The following PIP variants were observed in gnomAD, a reference collection of about 807,000 sequenced individuals.
PIP encodes the protein prolactin induced protein.
In PIP, 9 loss-of-function variants were observed where a neutral mutation model predicts 12.8. That is an observed-to-expected ratio of 0.70 (90% CI 0.42 to 1.23). The LOEUF (loss-of-function observed/expected upper bound fraction) is 1.23, where lower values mean the gene tolerates loss of function less well. PIP is among the 50% of genes most tolerant of loss of function. The pLI is 0.00. For synonymous variants in PIP, 60 were observed against 66.1 expected, an observed-to-expected ratio of 0.91 and a Z score of 0.45; for missense variants, 172 against 179.5, an observed-to-expected ratio of 0.96 and a Z score of 0.24.
chr7:143,134,007 T>A (rs1254147551), intron 1 of PIP, among the ~76,000 whole-genome samples: 1 of 151,064 alleles, frequency 6.6e-6, no homozygotes, highest in East Asian at 2.0e-4. Flanking sequence ...GTCCATTGTA[T>A]CATTCTTATG....
chr7:143,135,180 C>T lies in PIP; in HGVS notation c.96-14C>T, dbSNP rs749512563. 2.8e-6 allele frequency: 4 copies of T among 1,403,970 alleles called. No homozygotes were observed. The African/African-American group carries it at 5.6e-5, about 20-fold the overall frequency. The allele number at this position is 1,403,970 out of a possible 1,614,324, so 87.0% of individuals were successfully genotyped here. A position where few individuals can be genotyped will look rare whatever the true frequency, so the allele number is the denominator to read the frequency against. ...TCTGATCCTGGTGTTCTGATTCTCT[C>T]TTCCCACAATCAGTCGGAAGATCAT... On this transcript the variant is annotated splice_polypyrimidine_tract_variant and intron_variant, in intron 1 of 3. Transcript: ENST00000291009.
At position 143,132,567 on chromosome 7, in the gene PIP, C is replaced by A. The variant is rs536669749; in HGVS notation, c.95+356C>A. On this transcript the variant is annotated intron_variant, in intron 1 of 3. Transcript: ENST00000291009. ...TAAACTTTACCTTCTCACACCTTGCCTCCTAGAAGAGAAGCATAACAGGTC... is the reference window on the plus strand; with the variant it reads ...TAAACTTTACCTTCTCACACCTTGCATCCTAGAAGAGAAGCATAACAGGTC... Among the ~76,000 whole-genome samples, 125 of 152,226 alleles carry A rather than the reference C, an allele frequency of 8.2e-4. 1 individual carries two copies. In the South Asian group the frequency reaches 0.025, roughly 30 times the overall value.
At chr7:143,132,556 TC>T (rs1232889612) in intron 1 of PIP, among the ~76,000 whole-genome samples, 2 of 152,144 alleles carry the variant, frequency 1.3e-5, no homozygotes, top group African/African-American at 4.8e-5. Context: ...CTTTACCTTC[TC>T]ACACCTTGCC....
chr7:143,133,509 T>C (rs762752167), intron 1 of PIP, among the ~76,000 whole-genome samples: 12 of 152,102 alleles, frequency 7.9e-5, no homozygotes, highest in Non-Finnish European at 1.6e-4. Flanking sequence ...CAAAGGTCCG[T>C]AGCCGGGAGT....
At chr7:143,134,978 C>T (rs1799291085) in intron 1 of PIP, among the ~76,000 whole-genome samples, 1 of 152,144 alleles carries the variant, frequency 6.6e-6, no homozygotes, top group Non-Finnish European at 1.5e-5. Context: ...CTTAAAGTGT[C>T]CTAGTTGTTT....
At chr7:143,136,160 T>G (rs922322590) in intron 2 of PIP, among the ~76,000 whole-genome samples, 1 of 152,022 alleles carries the variant, frequency 6.6e-6, no homozygotes, top group African/African-American at 2.4e-5. Flanking sequence ...ACACTGGTTG[T>G]GTGTCCTTTT....
At position 143,139,122 on chromosome 7, in the gene PIP, C is replaced by T; in HGVS notation, c.249C>T (p.Asn83=). ...GCATCCCTCTACAAGGTGCATTTAA[C>T]TATAAGTATACTGCCTGCCTATGTG... ...ISSIPLQGAF[N]YKYTACLCDD... Residue 83 remains asparagine, a synonymous_variant, in exon 3 of 4, where the codon AAC becomes AAT. Transcript: ENST00000291009. The T allele has an allele frequency of 6.2e-7, 1 of 1,604,790 alleles. No homozygotes were observed.
In PIP at chr7:143,139,145, G is replaced by T; in HGVS notation, c.272G>T (p.Cys91Phe). 3.1e-6 allele frequency: 5 copies of T among 1,605,440 alleles called. No individual in the cohort carries two copies. Among genetic ancestry groups the T allele is most frequent in the South Asian group, 1.1e-5 (1 of 91,012 alleles). Residue 91 changes from cysteine to phenylalanine, a missense_variant, in exon 3 of 4, where the codon TGT becomes TTT. Cys to Phe is a radical substitution (Grantham distance 205). Coordinates refer to ENST00000291009, the MANE Select transcript of PIP (RefSeq NM_002652.3). ...AACTATAAGTATACTGCCTGCCTAT[G>T]TGACGACAATCCAAAAACCTTCTAC... ...AFNYKYTACL[C>F]DDNPKTFYWD...
chr7:143,138,703 T>C (rs536397308), intron 2 of PIP, among the ~76,000 whole-genome samples: 5 of 152,234 alleles, frequency 3.3e-5, no homozygotes, highest in Admixed American at 6.5e-5. Context: ...GGCTGCTGTC[T>C]CACCAGGTCT....
chr7:143,132,290 T>C, intron 1 of PIP, 79 bp downstream of exon 1: 1 of 1,494,310 alleles, frequency 6.7e-7, no homozygotes, highest in Non-Finnish European at 9.2e-7. Flanking sequence ...ACATATCTCT[T>C]TCTGAGAATT....
At chr7:143,133,001 T>C (rs1169814750) in intron 1 of PIP, among the ~76,000 whole-genome samples, 1 of 151,984 alleles carries the variant, frequency 6.6e-6, no homozygotes, top group African/African-American at 2.4e-5. Context: ...GAGGAAACTG[T>C]TCAGGGTTTT....
At position 143,139,157 on chromosome 7, in the gene PIP, CA is replaced by C. The variant is rs767135727; in HGVS notation, c.289del (p.Thr97ProfsTer24). On this transcript the variant is annotated frameshift_variant, in exon 3 of 4. Coordinates refer to ENST00000291009, the MANE Select transcript of PIP (RefSeq NM_002652.3). LOFTEE classifies it low-confidence loss of function (END_TRUNC). ...ACTGCCTGCCTATGTGACGACAATC[CA>C]AAAACCTTCTACTGGGACTTTTACA... ...KYTACLCDDNPKTFYWDFYTN... is the reference protein window; with the variant it reads ...KYTACLCDDNXKTFYWDFYTN... 8.8e-6 allele frequency: 14 copies of C among 1,597,800 alleles called. No individual in the cohort carries two copies. Among genetic ancestry groups the C allele is most frequent in the Non-Finnish European group, 1.1e-5 (13 of 1,164,914 alleles).
At chr7:143,139,340 T>C (rs1799344208) in intron 3 of PIP, 151 bp downstream of exon 3, 9 of 847,644 alleles carry the variant, frequency 1.1e-5, no homozygotes, top group Admixed American at 2.1e-5. Flanking sequence ...GGAGAGCAGA[T>C]GGGGAAAGCA....
chr7:143,137,150 C>T (rs1045566034), intron 2 of PIP, among the ~76,000 whole-genome samples: 4 of 151,850 alleles, frequency 2.6e-5, no homozygotes, highest in Admixed American at 2.6e-4. Flanking sequence ...TTGCATAATC[C>T]TTTAAAGCTG....
In PIP at chr7:143,139,330, G is replaced by C. The variant is rs1003870469; in HGVS notation, c.316+141G>C. 7 of 823,722 alleles carry C rather than the reference G, an allele frequency of 8.5e-6. No homozygotes were observed. The African/African-American group carries it at 1.0e-4, about 12-fold the overall frequency. The allele number at this position is 823,722 out of a possible 1,614,324, so 51.0% of individuals were successfully genotyped here. A position where few individuals can be genotyped will look rare whatever the true frequency, so the allele number is the denominator to read the frequency against. On this transcript the variant is annotated intron_variant, in intron 3 of 3. Coordinates refer to ENST00000291009, the MANE Select transcript of PIP (RefSeq NM_002652.3). ...AGAAGGGAGGGAGGGAAGAGCATGG[G>C]GAGAGCAGATGGGGAAAGCACCCAG...
rs578109143 is a variant in PIP at position 143,136,886 on chromosome 7, C to A, written c.201+1587C>A. On this transcript the variant is annotated intron_variant, in intron 2 of 3. Coordinates refer to ENST00000291009, the MANE Select transcript of PIP (RefSeq NM_002652.3). ...GACTTTGCAAACTAGAAATAATTTA[C>A]AGGAAAGGAAATTTTGTTAATTCTA... Among the ~76,000 whole-genome samples the A allele has an allele frequency of 1.2e-3, 178 of 151,874 alleles. 1 individual carries two copies. The highest frequency in any genetic ancestry group is 4.1e-3 in the African/African-American group (172 of 41,492).
At chr7:143,134,224 ATATAT>A (rs1799278289) in intron 1 of PIP, among the ~76,000 whole-genome samples, 2 of 102,464 alleles carry the variant, frequency 2.0e-5, no homozygotes, top group African/African-American at 7.8e-5. Context: ...ATATATATAT[ATATAT>A]ATATACCACA....
chr7:143,134,170 A>G (rs891215938), intron 1 of PIP, among the ~76,000 whole-genome samples: 4 of 122,578 alleles, frequency 3.3e-5, no homozygotes, highest in African/African-American at 1.2e-4. Context: ...ATGGCTGAGT[A>G]GTAGTATTCC....
rs376490465 is a variant in PIP at position 143,139,473 on chromosome 7, T to C, written c.317-45T>C. 6.2e-6 allele frequency: 10 copies of C among 1,606,674 alleles called. No homozygotes were observed. In the Admixed American group the frequency reaches 6.7e-5, roughly 11 times the overall value. On this transcript the variant is annotated intron_variant, in intron 3 of 3. Transcript: ENST00000291009. ...TGATATGAGTAGAAAAGACAGGACA[T>C]GGCCGGGGTGTCTGAGAGATGATCT...
Sources: gnomAD v4.1 joint callset for allele counts (sites outside exome capture counted in the v4.1 genomes callset) on GRCh38, gnomAD v4.1.1 for gene constraint, MANE v1.5 for transcripts, NCBI Gene and HGNC (gene_info 2026-07-23, HGNC 2026-07-21) for gene names.